ABCC2: variants seen among roughly 807,000 people sequenced by gnomAD.
The protein encoded by ABCC2 is ATP-binding cassette sub-family C member 2.
Under a neutral mutation model 173.4 loss-of-function variants are expected in ABCC2, and 157 were observed. The observed-to-expected ratio is 0.91, with a 90% CI of 0.80 to 1.03. ABCC2 has a LOEUF of 1.03. Ranked by LOEUF, ABCC2 falls within the 50% of genes least tolerant of loss-of-function variation. ABCC2 has a pLI of 0.00. For synonymous variants in ABCC2, 657 were observed against 693.5 expected, an observed-to-expected ratio of 0.95 and a Z score of 0.83; for missense variants, 1,822 against 1,852.3, an observed-to-expected ratio of 0.98 and a Z score of 0.30.
rs776490975 is a variant in ABCC2 at position 99,832,028 on chromosome 10, C to T, written c.3155C>T (p.Ala1052Val). Residue 1052 changes from alanine to valine, a missense_variant, in exon 23 of 32, where the codon GCA becomes GTA. Ala to Val is a moderately conservative substitution (Grantham distance 64). Coordinates refer to ENST00000647814, the MANE Select transcript of ABCC2 (RefSeq NM_000392.5). ...TGGAGTGCCTTTGGTTTCGTCCATG[C>T]ATCAAATATCTTGCACAAGCAACTG... ...HFWSAFGFVH[A>V]SNILHKQLLN... 6.2e-7 allele frequency: 1 copy of T among 1,614,204 alleles called. No individual in the cohort carries two copies. The highest frequency in any genetic ancestry group is 1.1e-5 in the South Asian group (1 of 91,080).
At chr10:99,848,401 T>A (rs764234727) in intron 30 of ABCC2, among the ~76,000 whole-genome samples, 1 of 152,212 alleles carries the variant, frequency 6.6e-6, no homozygotes, top group Non-Finnish European at 1.5e-5. Flanking sequence ...TTCCACACAC[T>A]GAAGTTCTGC....
chr10:99,806,660 T>G (rs1036259676), intron 11 of ABCC2, among the ~76,000 whole-genome samples: 3 of 152,244 alleles, frequency 2.0e-5, no homozygotes, highest in African/African-American at 7.2e-5. Context: ...TTATCTTTCA[T>G]CAACTTGTTG....
In ABCC2 at chr10:99,808,163, T is replaced by C. The variant is rs1376405715; in HGVS notation, c.1749T>C (p.Ile583=). 1 of 1,614,122 alleles carries C rather than the reference T, an allele frequency of 6.2e-7. No individual in the cohort carries two copies. Residue 583 remains isoleucine, a synonymous_variant, in exon 13 of 32, where the codon ATT becomes ATC. Transcript: ENST00000647814. ...ATGCACAAAAGGCCTTCACCTCCAT[T>C]ACCCTCTTCAATATCCTGCGCTTTC... The part of the protein sequence containing the change: ...ILDAQKAFTS[I]TLFNILRFPL...
intron 3 of ABCC2, 127 bp from the exon 4 acceptor site, chr10:99,793,423 TG>T: frequency 7.2e-7 from 1 of 1,379,960 alleles, no homozygotes; most frequent in Non-Finnish European, 1.0e-6. Context: ...GCTCTCTACC[TG>T]GCCAGATTAG....
intron 6 of ABCC2, among the ~76,000 whole-genome samples, chr10:99,795,771 GAAAGA>G (rs1159286761): frequency 1.4e-5 from 2 of 146,224 alleles, no homozygotes; most frequent in African/African-American, 5.4e-5. Context: ...AAGAAAGAAA[GAAAGA>G]AAGAAAGAAA....
intron 19 of ABCC2, among the ~76,000 whole-genome samples, chr10:99,825,291 T>A (rs1269532091): frequency 6.6e-6 from 1 of 152,248 alleles, no homozygotes; most frequent in Non-Finnish European, 1.5e-5. Context: ...ATCTCAGTAC[T>A]TTGATACACT....
chr10:99,836,781 T>G (rs2038830589), intron 25 of ABCC2, among the ~76,000 whole-genome samples: 1 of 152,154 alleles, frequency 6.6e-6, no homozygotes, highest in Admixed American at 6.5e-5. Flanking sequence ...GGTAAGACCA[T>G]TGATGACAGA....
rs1477587436 is a variant in ABCC2, at chr10:99,811,042, G to A, written c.1901-494G>A. The stretch of plus-strand genomic sequence containing the variant: ...TCCATCTCAAAAAAAAAAAGAAAAG[G>A]ACTTTAGGCTGGATGCAGTGTCTCA... On this transcript the variant is annotated intron_variant, in intron 14 of 31. Coordinates refer to ENST00000647814, the MANE Select transcript of ABCC2 (RefSeq NM_000392.5). Among the ~76,000 whole-genome samples the A allele has an allele frequency of 3.3e-5, 5 of 151,674 alleles. No individual in the cohort carries two copies. The East Asian group carries it at 9.7e-4, about 29-fold the overall frequency.
rs536104796 is a variant in ABCC2 at position 99,850,731 on chromosome 10, C to T, written c.4443C>T (p.Asn1481=). ...TDNLIQTTIQ[N]EFAHCTVITI... is the part of the protein sequence containing the mutation. ...ACCTCATTCAGACGACCATCCAAAA[C>T]GAGTTCGCCCACTGCACAGTGATCA... The change falls in exon 31 of 32, where the codon AAC becomes AAT. Residue 1481 remains asparagine, a synonymous_variant. Coordinates refer to ENST00000647814, the MANE Select transcript of ABCC2 (RefSeq NM_000392.5). 1.8e-5 allele frequency: 29 copies of T among 1,614,194 alleles called. No homozygotes were observed. Among genetic ancestry groups the T allele is most frequent in the Middle Eastern group, 1.6e-4 (1 of 6,062 alleles).
At chr10:99,785,289 G>A (rs2037686548) in intron 2 of ABCC2, among the ~76,000 whole-genome samples, 1 of 152,086 alleles carries the variant, frequency 6.6e-6, no homozygotes, top group Non-Finnish European at 1.5e-5. Flanking sequence ...AAGGAGGAGG[G>A]GTAAGTGTGC....
rs768214282 is a variant in ABCC2, at chr10:99,784,737, A to G, written c.163A>G (p.Arg55Gly). ...PWQLLHVYKSRTKRSSTTKLY... is the reference protein window; with the variant it reads ...PWQLLHVYKSGTKRSSTTKLY... ...GCAGCTTCTCCACGTGTATAAATCC[A>G]GGACCAAGAGATCCTCTACCACCAA... The change falls in exon 2 of 32, where the codon AGG becomes GGG. Residue 55 changes from arginine to glycine, a missense_variant. Arg to Gly is a moderately radical substitution (Grantham distance 125). Coordinates refer to ENST00000647814, the MANE Select transcript of ABCC2 (RefSeq NM_000392.5). 2 of 1,614,166 alleles carry G rather than the reference A, an allele frequency of 1.2e-6. No individual in the cohort carries two copies. The highest frequency in any genetic ancestry group is 4.5e-5 in the East Asian group (2 of 44,868).
chr10:99,818,578 A>T (rs1044650680), intron 17 of ABCC2, among the ~76,000 whole-genome samples: 48 of 152,256 alleles, frequency 3.2e-4, no homozygotes, highest in Non-Finnish European at 6.8e-4. Context: ...TAAGTAAATT[A>T]TCTGATAAAA....
At chr10:99,827,699 A>C (rs2038668719) in intron 19 of ABCC2, among the ~76,000 whole-genome samples, 1 of 151,540 alleles carries the variant, frequency 6.6e-6, no homozygotes, top group Admixed American at 6.6e-5. Flanking sequence ...CTATTATTTG[A>C]AATAGCTTGA....
intron 16 of ABCC2, among the ~76,000 whole-genome samples, chr10:99,814,659 A>G (rs1479293982): frequency 6.8e-5 from 8 of 117,950 alleles, no homozygotes; most frequent in African/African-American, 2.3e-4. Flanking sequence ...ACACACACAT[A>G]TGTGTATATA....
At chr10:99,834,637 C>A in intron 24 of ABCC2, 102 bp downstream of exon 24, 1 of 1,377,290 alleles carries the variant, frequency 7.3e-7, no homozygotes, top group Non-Finnish European at 1.0e-6. Context: ...TAGTCACTCA[C>A]TCCTCCCCTC....
chr10:99,835,320 T>C (rs2038803496), intron 24 of ABCC2, among the ~76,000 whole-genome samples: 1 of 152,182 alleles, frequency 6.6e-6, no homozygotes, highest in Non-Finnish European at 1.5e-5. Flanking sequence ...GCCTTTTAAC[T>C]ATTAATAACA....
At chr10:99,848,361 G>T (rs562292870) in intron 30 of ABCC2, among the ~76,000 whole-genome samples, 1 of 152,290 alleles carries the variant, frequency 6.6e-6, no homozygotes, top group Admixed American at 6.5e-5. Flanking sequence ...AGTTGATCTG[G>T]CATTTTTCCT....
At chr10:99,838,376 G>GC (rs2038864995) in intron 25 of ABCC2, among the ~76,000 whole-genome samples, 1 of 127,480 alleles carries the variant, frequency 7.8e-6, no homozygotes, top group East Asian at 2.7e-4. Flanking sequence ...GGCCGGGCGG[G>GC]GGGCCGACCC....
intron 14 of ABCC2, 43 bp from the exon 15 acceptor site, chr10:99,811,493 G>A (rs371752108): frequency 2.9e-5 from 46 of 1,600,026 alleles, no homozygotes; most frequent in African/African-American, 8.0e-5. Context: ...AGACAGTCAC[G>A]TGGGGACCTA....
Sources: gnomAD v4.1 joint callset for allele counts (sites outside exome capture counted in the v4.1 genomes callset) on GRCh38, gnomAD v4.1.1 for gene constraint, MANE v1.5 for transcripts, NCBI Gene and HGNC (gene_info 2026-07-23, HGNC 2026-07-21) for gene names.